KDM4C: variants seen among roughly 807,000 people sequenced by gnomAD.
KDM4C encodes the protein lysine demethylase 4C.
A neutral mutation model predicts 129.3 loss-of-function variants in KDM4C; 81 were observed. The observed-to-expected ratio is 0.63, with a 90% CI of 0.52 to 0.75. The LOEUF (loss-of-function observed/expected upper bound fraction) is 0.75. Ranked by LOEUF, KDM4C falls within the 30% of genes least tolerant of loss-of-function variation. KDM4C has a pLI of 0.00. For missense variants in KDM4C, 1,457 were observed against 1,304.0 expected, an observed-to-expected ratio of 1.12 and a Z score of -1.81; for synonymous variants, 573 against 456.1, an observed-to-expected ratio of 1.26 and a Z score of -3.26.
intron 1 of KDM4C, among the ~76,000 whole-genome samples, chr9:6,786,056 G>T (rs1368495766): frequency 6.6e-6 from 1 of 152,220 alleles, no homozygotes; most frequent in Non-Finnish European, 1.5e-5. Context: ...CATCAGTTCT[G>T]TGGCAGGCTT....
intron 5 of KDM4C, among the ~76,000 whole-genome samples, chr9:6,856,596 C>T (rs1839889778): frequency 1.5e-5 from 2 of 132,770 alleles, no homozygotes; most frequent in Admixed American, 1.5e-4. Flanking sequence ...TTTTTTGAGA[C>T]AGAGTCTCAC....
upstream of KDM4C, among the ~76,000 whole-genome samples, chr9:6,757,222 C>T (rs200684583): frequency 6.6e-6 from 1 of 152,132 alleles, no homozygotes. Context: ...ACCTGCATTT[C>T]TAGTCACTTC....
chr9:6,754,758 C>T (rs1251633521), upstream of KDM4C, among the ~76,000 whole-genome samples: 1 of 151,596 alleles, frequency 6.6e-6, no homozygotes, highest in Non-Finnish European at 1.5e-5. Context: ...CGCTTGTAGT[C>T]CCAGCTACAT....
intron 4 of KDM4C, among the ~76,000 whole-genome samples, chr9:6,825,896 C>T (rs769882419): frequency 1.4e-4 from 22 of 152,154 alleles, no homozygotes; most frequent in Non-Finnish European, 2.6e-4. Context: ...CAGCAGCCTC[C>T]ACCTCCCAGG....
In KDM4C at chr9:7,024,604, A is replaced by G. The variant is rs575055459; in HGVS notation, c.2259+8675A>G. Among the ~76,000 whole-genome samples, 6 of 151,972 alleles carry G rather than the reference A, an allele frequency of 3.9e-5. No individual in the cohort carries two copies. The South Asian group carries it at 1.0e-3, about 26-fold the overall frequency. Reference sequence around the variant, plus strand: ...TGGTGTTTGGTTTTCTGTTCTTGCAATACTTTGCTGAGAATGATGGTTTCC... The same window carrying G: ...TGGTGTTTGGTTTTCTGTTCTTGCAGTACTTTGCTGAGAATGATGGTTTCC... On this transcript the variant is annotated intron_variant, in intron 15 of 21. Transcript: ENST00000381309.
chr9:6,913,735 C>A (rs1819768024), intron 8 of KDM4C, among the ~76,000 whole-genome samples: 1 of 152,142 alleles, frequency 6.6e-6, no homozygotes, highest in Admixed American at 6.6e-5. Context: ...TATGATAATC[C>A]ATATAAGCAG....
chr9:7,129,293 C>G (rs184560554), intron 19 of KDM4C, among the ~76,000 whole-genome samples: 89 of 152,280 alleles, frequency 5.8e-4, no homozygotes, highest in African/African-American at 2.0e-3. Flanking sequence ...AACATTGATT[C>G]AGTTAGTTTT....
intron 19 of KDM4C, among the ~76,000 whole-genome samples, chr9:7,156,945 G>C (rs576426051): frequency 6.6e-6 from 1 of 152,222 alleles, no homozygotes; most frequent in African/African-American, 2.4e-5. Context: ...ACCTTGGGCA[G>C]TGTAGCCATT....
chr9:6,920,548 A>G (rs887694864), intron 8 of KDM4C, among the ~76,000 whole-genome samples: 7 of 100,294 alleles, frequency 7.0e-5, no homozygotes, highest in African/African-American at 2.9e-4. Context: ...CAGCAACAGA[A>G]CAAGAAAAAA....
chr9:6,937,559 T>C (rs2131362386), intron 8 of KDM4C, among the ~76,000 whole-genome samples: 1 of 152,272 alleles, frequency 6.6e-6, no homozygotes, highest in Admixed American at 6.5e-5. Flanking sequence ...ACCTCTTTGA[T>C]AGCAAACAAG....
intron 16 of KDM4C, among the ~76,000 whole-genome samples, chr9:7,048,890 A>G (rs1829777223): frequency 6.6e-6 from 1 of 152,038 alleles, no homozygotes; most frequent in South Asian, 2.1e-4. Flanking sequence ...TTCATGGCAC[A>G]ATGTTGTTGG....
At chr9:6,806,613 T>C (rs1468757273) in intron 3 of KDM4C, among the ~76,000 whole-genome samples, 1 of 151,974 alleles carries the variant, frequency 6.6e-6, no homozygotes, top group Non-Finnish European at 1.5e-5. Flanking sequence ...TGCCTCAGGG[T>C]CTCATGAGGT....
At chr9:6,852,542 T>C (rs961779913) in intron 5 of KDM4C, among the ~76,000 whole-genome samples, 2 of 152,232 alleles carry the variant, frequency 1.3e-5, no homozygotes, top group Admixed American at 1.3e-4. Context: ...TATGCACATG[T>C]GGGTGCGTGT....
At chr9:6,830,355 G>A (rs966060578) in intron 4 of KDM4C, among the ~76,000 whole-genome samples, 1 of 152,144 alleles carries the variant, frequency 6.6e-6, no homozygotes, top group African/African-American at 2.4e-5. Context: ...TGGCTGAGAT[G>A]AGGGAGGTCG....
chr9:7,096,411 A>G (rs568709442), intron 17 of KDM4C, among the ~76,000 whole-genome samples: 1 of 152,322 alleles, frequency 6.6e-6, no homozygotes, highest in South Asian at 2.1e-4. Context: ...AAGGGCAGGA[A>G]GCATCCAGAG....
At chr9:7,054,230 A>C (rs1830576911) in intron 17 of KDM4C, among the ~76,000 whole-genome samples, 1 of 152,238 alleles carries the variant, frequency 6.6e-6, no homozygotes, top group South Asian at 2.1e-4. Context: ...GTGTGAAGTC[A>C]CAGGTGATTG....
intron 17 of KDM4C, among the ~76,000 whole-genome samples, chr9:7,060,490 A>G (rs79366463): frequency 1.6e-4 from 20 of 121,308 alleles, no homozygotes; most frequent in Admixed American, 1.0e-3. Context: ...TATTATTATT[A>G]TTATTATTTT....
chr9:6,842,912 G>T (rs1334612943), intron 4 of KDM4C, among the ~76,000 whole-genome samples: 1 of 152,024 alleles, frequency 6.6e-6, no homozygotes, highest in African/African-American at 2.4e-5. Flanking sequence ...TTCCTGCTGT[G>T]TTCTTGTACT....
At chr9:7,024,827 A>G (rs1825527280) in intron 15 of KDM4C, among the ~76,000 whole-genome samples, 2 of 152,332 alleles carry the variant, frequency 1.3e-5, no homozygotes, top group South Asian at 2.1e-4. Flanking sequence ...AGCATGATTT[A>G]TAATCCTTTG....
Sources: gnomAD v4.1 joint callset for allele counts (sites outside exome capture counted in the v4.1 genomes callset) on GRCh38, gnomAD v4.1.1 for gene constraint, MANE v1.5 for transcripts, NCBI Gene and HGNC (gene_info 2026-07-23, HGNC 2026-07-21) for gene names.